The following SOX6 variants were observed in gnomAD, a reference collection of about 807,000 sequenced individuals.
SOX6 encodes transcription factor SOX-6.
SOX6 carries 11 observed loss-of-function variants against 97.8 expected under a neutral mutation model. The ratio of observed to expected loss-of-function variants is 0.11; its 90% CI spans 0.07 to 0.19. The LOEUF (loss-of-function observed/expected upper bound fraction) is 0.19. SOX6 is among the 10% of genes least tolerant of loss of function. The pLI, the probability that SOX6 is intolerant of heterozygous loss-of-function variation, is 1.00. For missense variants in SOX6, 810 were observed against 1,039.5 expected (o/e 0.78, Z 3.04); for synonymous variants, 360 against 371.4 (o/e 0.97, Z 0.35).
intron 10 of SOX6, among the ~76,000 whole-genome samples, chr11:16,052,407 G>T (rs1847708169): frequency 6.6e-6 from 1 of 152,088 alleles, no homozygotes; most frequent in Non-Finnish European, 1.5e-5. Context: ...TATAACTTTG[G>T]TCATTTTTAA....
chr11:16,524,919 T>A (rs564513880), intron 4 of SOX6, among the ~76,000 whole-genome samples: 4 of 152,216 alleles, frequency 2.6e-5, no homozygotes, highest in African/African-American at 9.6e-5. Flanking sequence ...GAATCCAACT[T>A]ACAAGGGACG....
intron 6 of SOX6, among the ~76,000 whole-genome samples, chr11:16,155,990 T>A (rs574674467): frequency 6.6e-6 from 1 of 152,074 alleles, no homozygotes; most frequent in Non-Finnish European, 1.5e-5. Context: ...CAATCTTGTA[T>A]GCTTTTTGTT....
chr11:16,495,054 C>T (rs74569964), intron 4 of SOX6, among the ~76,000 whole-genome samples: 116 of 152,234 alleles, frequency 7.6e-4, no homozygotes, highest in African/African-American at 2.7e-3. Flanking sequence ...CCATTGACAC[C>T]CTCCACCTGC....
chr11:16,547,175 T>C (rs1847631184), intron 4 of SOX6, among the ~76,000 whole-genome samples: 4 of 152,120 alleles, frequency 2.6e-5, no homozygotes, highest in Admixed American at 2.0e-4. Context: ...GAATGTAAAT[T>C]AGTACAACCA....
At chr11:16,426,394 C>T (rs543095292) in intron 1 of SOX6, among the ~76,000 whole-genome samples, 6 of 151,146 alleles carry the variant, frequency 4.0e-5, no homozygotes, top group Admixed American at 1.3e-4. Context: ...TCATGCTACC[C>T]ATCTTCAAAC....
intron 3 of SOX6, among the ~76,000 whole-genome samples, chr11:16,638,458 G>C (rs561687447): frequency 5.3e-5 from 8 of 152,074 alleles, no homozygotes; most frequent in Admixed American, 1.3e-4. Context: ...TGGGTCAAAT[G>C]GTATTTCTAG....
chr11:16,326,593 C>T (rs1856101764), intron 2 of SOX6, among the ~76,000 whole-genome samples: 1 of 152,058 alleles, frequency 6.6e-6, no homozygotes, highest in African/African-American at 2.4e-5. Context: ...TTGTTTCCAT[C>T]CATTTCCAGA....
At chr11:16,521,618 C>A (rs1259142691) in intron 4 of SOX6, among the ~76,000 whole-genome samples, 2 of 152,190 alleles carry the variant, frequency 1.3e-5, no homozygotes, top group African/African-American at 4.8e-5. Flanking sequence ...AGCAACGGAA[C>A]AAAGCTGGAT....
At chr11:16,497,650 A>G (rs983239223) in intron 4 of SOX6, among the ~76,000 whole-genome samples, 11 of 152,234 alleles carry the variant, frequency 7.2e-5, no homozygotes, top group Non-Finnish European at 1.5e-4. Context: ...AAACCACGGC[A>G]TGAGAACTAC....
chr11:16,151,214 G>A (rs1026900403), intron 6 of SOX6, among the ~76,000 whole-genome samples: 1 of 152,044 alleles, frequency 6.6e-6, no homozygotes, highest in South Asian at 2.1e-4. Flanking sequence ...GCAAGCAAAC[G>A]ATTTTGAGAA....
chr11:16,156,245 G>C (rs1466827440), intron 6 of SOX6, among the ~76,000 whole-genome samples: 1 of 152,118 alleles, frequency 6.6e-6, no homozygotes. Context: ...AATATCTCAT[G>C]CTTGAACCTT....
chr11:16,242,764 A>C (rs1463646401), intron 3 of SOX6, among the ~76,000 whole-genome samples: 1 of 151,976 alleles, frequency 6.6e-6, no homozygotes, highest in South Asian at 2.1e-4. Flanking sequence ...TAAATTATAA[A>C]ATGTTTTTAC....
Position 16,372,721 on chromosome 11 carries a change from C to A in SOX6, c.-4-31469G>T, listed in dbSNP as rs12421492. Reference sequence around the variant, plus strand: ...AAGCAAAGTAATAAGAGAATAAAATCATCATTAACCACCCTTGAGATGTTG... The same window carrying A: ...AAGCAAAGTAATAAGAGAATAAAATAATCATTAACCACCCTTGAGATGTTG... On this transcript the variant is annotated intron_variant, in intron 1 of 15. Coordinates refer to the SOX6 transcript ENST00000396356. Among the ~76,000 whole-genome samples the A allele has an allele frequency of 8.4e-4, 128 of 152,192 alleles. No homozygotes were observed. The East Asian group carries it at 0.015, about 18-fold the overall frequency.
Position 15,972,826 on chromosome 11 carries a change from C to G in SOX6, c.2470G>C (p.Ala824Pro), listed in dbSNP as rs913677466. 8 of 1,614,196 alleles carry G rather than the reference C, an allele frequency of 5.0e-6. No individual in the cohort carries two copies. Among genetic ancestry groups the G allele is most frequent in the Non-Finnish European group, 5.9e-6 (7 of 1,180,032 alleles). ...DYSSENEAPE[A>P]VSAN ...AAAACTCCTCAGTTGGCACTGACAG[C>G]CTCCGGGGCTTCATTTTCACTGCTA... The change falls in exon 16 of 16, where the codon GCT becomes CCT. Residue 824 changes from alanine (A) to proline (P), a missense_variant. This residue lies in a region of SOX6 where 122 missense variants were observed against 153.4 expected (regional missense o/e 0.80). Transcript: ENST00000683767.
At chr11:16,247,312 TGTTG>T (rs1450966598) in intron 3 of SOX6, among the ~76,000 whole-genome samples, 1 of 152,222 alleles carries the variant, frequency 6.6e-6, no homozygotes, top group Non-Finnish European at 1.5e-5. Flanking sequence ...TCCATTCATC[TGTTG>T]ATAGACACTT....
chr11:16,051,734 T>TA (rs1273126103), intron 10 of SOX6, among the ~76,000 whole-genome samples: 5 of 152,170 alleles, frequency 3.3e-5, no homozygotes, highest in African/African-American at 1.2e-4. Flanking sequence ...ACTGAGCTTC[T>TA]AAAAAATCTA....
intron 3 of SOX6, among the ~76,000 whole-genome samples, chr11:16,287,182 T>G (rs1854770354): frequency 5.3e-5 from 8 of 151,936 alleles, no homozygotes. Context: ...ATTAGGTATT[T>G]GGGGGCAAAG....
At chr11:16,124,854 C>T (rs889052516) in intron 6 of SOX6, among the ~76,000 whole-genome samples, 2 of 151,932 alleles carry the variant, frequency 1.3e-5, no homozygotes, top group Non-Finnish European at 2.9e-5. Flanking sequence ...CAAGAATGAA[C>T]GCAGAGAGAC....
At chr11:16,389,482 A>T (rs1276887953) in intron 1 of SOX6, among the ~76,000 whole-genome samples, 1 of 151,748 alleles carries the variant, frequency 6.6e-6, no homozygotes, top group Non-Finnish European at 1.5e-5. Flanking sequence ...TTCTTATTTC[A>T]GATATCGTTT....
Sources: gnomAD v4.1 joint callset for allele counts (sites outside exome capture counted in the v4.1 genomes callset) on GRCh38, gnomAD v4.1.1 for gene constraint, gnomAD v4.1.1 regional missense constraint, MANE v1.5 for transcripts, NCBI Gene and HGNC (gene_info 2026-07-23, HGNC 2026-07-21) for gene names.